CCSER1: variants seen among roughly 807,000 people sequenced by gnomAD.
The protein encoded by CCSER1 is serine-rich coiled-coil domain-containing protein 1.
Under a neutral mutation model 82.0 loss-of-function variants are expected in CCSER1, and 41 were observed. That is an observed-to-expected ratio of 0.50 (90% CI 0.39 to 0.65). The LOEUF (loss-of-function observed/expected upper bound fraction) is 0.65. Among genes scored for constraint, CCSER1 ranks in the 30% least tolerant of loss-of-function variants. CCSER1 has a pLI of 0.00. For missense variants in CCSER1, 1,119 were observed against 1,064.2 expected, an observed-to-expected ratio of 1.05 and a Z score of -0.72; for synonymous variants, 414 against 383.9, an observed-to-expected ratio of 1.08 and a Z score of -0.92.
chr4:91,420,626 A>G (rs946985158), intron 10 of CCSER1, among the ~76,000 whole-genome samples: 2 of 152,172 alleles, frequency 1.3e-5, no homozygotes, highest in Admixed American at 6.5e-5. Flanking sequence ...GTGGAAAACA[A>G]TGCAGTTTCT....
In CCSER1 at chr4:91,372,245, A is replaced by T. The variant is rs185305002; in HGVS notation, c.2218-226327A>T. ...ACTGCTCCTACTTGGAAGGAGGATAACCAGCTTGTACTAGAGGTTTATTCT... is the reference window on the plus strand; with the variant it reads ...ACTGCTCCTACTTGGAAGGAGGATATCCAGCTTGTACTAGAGGTTTATTCT... On this transcript the variant is annotated intron_variant, in intron 10 of 10. Transcript: ENST00000509176. 4.6e-5 allele frequency among the ~76,000 whole-genome samples: 7 copies of T among 152,212 alleles called. No individual in the cohort carries two copies. The East Asian group carries it at 1.4e-3, about 29-fold the overall frequency.
At chr4:90,902,326 A>G (rs1724780362) in intron 8 of CCSER1, among the ~76,000 whole-genome samples, 1 of 151,960 alleles carries the variant, frequency 6.6e-6, no homozygotes, top group South Asian at 2.1e-4. Flanking sequence ...CCATTGCTAG[A>G]TAGCTAGTAT....
chr4:91,117,382 A>G (rs1417806612), intron 10 of CCSER1, among the ~76,000 whole-genome samples: 2 of 152,212 alleles, frequency 1.3e-5, no homozygotes, highest in East Asian at 1.9e-4. Context: ...TAAGCAAGCT[A>G]TCTAACTTTA....
intron 10 of CCSER1, among the ~76,000 whole-genome samples, chr4:91,479,820 C>T (rs1257434816): frequency 3.5e-5 from 5 of 143,038 alleles, no homozygotes; most frequent in Admixed American, 1.4e-4. Context: ...TATACATGTG[C>T]CATGCTGGTG....
chr4:90,995,321 A>C (rs1365250644), intron 9 of CCSER1, among the ~76,000 whole-genome samples: 1 of 152,144 alleles, frequency 6.6e-6, no homozygotes, highest in East Asian at 1.9e-4. Flanking sequence ...TATATTTTCC[A>C]TTAGTTTTTG....
intron 1 of CCSER1, among the ~76,000 whole-genome samples, chr4:90,272,165 A>G (rs1578875542): frequency 6.6e-6 from 1 of 151,950 alleles, no homozygotes; most frequent in Admixed American, 6.6e-5. Flanking sequence ...TGAGATTTGG[A>G]TGGGGACACA....
intron 10 of CCSER1, among the ~76,000 whole-genome samples, chr4:91,181,255 A>C (rs1041223392): frequency 6.6e-6 from 1 of 152,232 alleles, no homozygotes; most frequent in African/African-American, 2.4e-5. Context: ...ACAGTGAGCT[A>C]CTTCTCACAG....
intron 6 of CCSER1, among the ~76,000 whole-genome samples, chr4:90,641,259 C>G (rs1726459963): frequency 1.3e-5 from 2 of 151,812 alleles, no homozygotes; most frequent in South Asian, 4.2e-4. Flanking sequence ...AATATGCAAA[C>G]TTAAATAATA....
chr4:90,900,852 TTCTG>T (rs1724532761), intron 8 of CCSER1, among the ~76,000 whole-genome samples: 1 of 151,956 alleles, frequency 6.6e-6, no homozygotes, highest in Non-Finnish European at 1.5e-5. Context: ...TTTGTTAGTT[TTCTG>T]CTTGGATTAT....
chr4:90,925,082 A>T (rs887933379), intron 9 of CCSER1, among the ~76,000 whole-genome samples: 1 of 152,146 alleles, frequency 6.6e-6, no homozygotes, highest in Non-Finnish European at 1.5e-5. Flanking sequence ...TAAACCCAAT[A>T]TGTGTTTTAC....
At chr4:90,350,025 G>T (rs8180269) in intron 3 of CCSER1, among the ~76,000 whole-genome samples, 44,484 of 151,962 alleles carry the variant, frequency 0.29, 6,650 homozygotes, top group East Asian at 0.44. Context: ...ATACAGGAAT[G>T]ATGCCATTTC....
intron 1 of CCSER1, among the ~76,000 whole-genome samples, chr4:90,145,907 CT>C (rs1434517218): frequency 5.3e-5 from 8 of 151,844 alleles, no homozygotes; most frequent in African/African-American, 1.7e-4. Context: ...CTTAGGGTAC[CT>C]TTTTTTCCCT....
Position 90,461,053 on chromosome 4 carries a change from A to AT in CCSER1, c.1604-7151dup, listed in dbSNP as rs397880822. On this transcript the variant is annotated intron_variant, in intron 4 of 10. Transcript: ENST00000509176. ...CCTGTACTTAGGTGTTGCCCAGGCT[A>AT]TTTTTTTTTTTTTTTTTTTTTTTTT... 1.2e-4 allele frequency among the ~76,000 whole-genome samples: 6 copies of AT among 49,744 alleles called. 1 individual carries two copies. Among genetic ancestry groups the AT allele is most frequent in the South Asian group, 2.5e-3 (2 of 814 alleles). The allele number at this position is 49,744 out of a possible 152,430, so 32.6% of individuals were successfully genotyped here.
chr4:90,591,889 A>G (rs537731063), intron 5 of CCSER1, among the ~76,000 whole-genome samples: 2 of 152,318 alleles, frequency 1.3e-5, no homozygotes, highest in Admixed American at 1.3e-4. Flanking sequence ...TTGCATGGAC[A>G]TGGATGAAGC....
intron 9 of CCSER1, among the ~76,000 whole-genome samples, chr4:91,004,178 A>C (rs1331792557): frequency 6.6e-6 from 1 of 152,086 alleles, no homozygotes; most frequent in Non-Finnish European, 1.5e-5. Context: ...AAAACGTCAC[A>C]ATGTGAGTCT....
At chr4:90,271,847 TATATATATATA>T (rs1220364153) in intron 1 of CCSER1, among the ~76,000 whole-genome samples, 4 of 24,182 alleles carry the variant, frequency 1.7e-4, no homozygotes, top group South Asian at 3.3e-3. Flanking sequence ...TATATATATA[TATATATATATA>T]TATATTTTTT....
intron 10 of CCSER1, among the ~76,000 whole-genome samples, chr4:91,464,039 A>T (rs1239317873): frequency 6.6e-6 from 1 of 152,180 alleles, no homozygotes; most frequent in African/African-American, 2.4e-5. Flanking sequence ...AGCAACTCCA[A>T]GACACATAAT....
chr4:91,527,486 A>G (rs1318975622), intron 10 of CCSER1, among the ~76,000 whole-genome samples: 1 of 152,220 alleles, frequency 6.6e-6, no homozygotes, highest in Non-Finnish European at 1.5e-5. Context: ...GGCTATTGTG[A>G]TAGCCAAATA....
At chr4:90,387,835 G>A (rs6824866) in intron 3 of CCSER1, among the ~76,000 whole-genome samples, 52,123 of 151,922 alleles carry the variant, frequency 0.34, 9,587 homozygotes, top group African/African-American at 0.47. Context: ...CCCTTGGCTG[G>A]TATTTTATCT....
Sources: allele counts gnomAD v4.1 joint callset (sites outside exome capture counted in the v4.1 genomes callset), GRCh38; gene constraint gnomAD v4.1.1; transcripts MANE v1.5; gene names NCBI Gene and HGNC (gene_info 2026-07-23, HGNC 2026-07-21).